Variants in TENM1 observed in about 807,000 individuals in gnomAD.
TENM1 encodes teneurin-1.
A neutral mutation model predicts 174.8 loss-of-function variants in TENM1; 35 were observed. The ratio of observed to expected loss-of-function variants is 0.20; its 90% CI spans 0.15 to 0.27. TENM1 has a LOEUF of 0.27. Ranked by LOEUF, TENM1 falls within the 10% of genes least tolerant of loss-of-function variation. The pLI, the probability that TENM1 is intolerant of heterozygous loss-of-function variation, is 1.00. For synonymous variants in TENM1, 781 were observed against 798.7 expected (o/e 0.98, Z 0.37); for missense variants, 1,633 against 2,130.1 (o/e 0.77, Z 4.59).
At position 124,649,040 on chromosome X, in the gene TENM1, G is replaced by T. The variant is rs28471046; in HGVS notation, c.1580-2230C>A. ...TCAAAGAGACATTGGAACAGCCGAG[G>T]GACTCCAGGAGGAAGATGGCTGCAG... On this transcript the variant is annotated intron_variant, in intron 8 of 31. Coordinates refer to ENST00000422452, the Ensembl canonical transcript of TENM1. Among the ~76,000 whole-genome samples, 163 of 111,470 alleles carry T rather than the reference G, an allele frequency of 1.5e-3. 2 individuals carry two copies. The highest frequency in any genetic ancestry group is 5.1e-3 in the African/African-American group (156 of 30,689).
In TENM1 at chrX:124,645,207, G is replaced by A. The variant is rs760968417; in HGVS notation, c.1812C>T (p.His604=). The change falls in exon 10 of 32, where the codon CAC becomes CAT. Residue 604 remains histidine (H), a synonymous_variant. Coordinates refer to ENST00000422452, the Ensembl canonical transcript of TENM1. ...TGCAGACTCCCATGATGCAGGTGCC[G>A]TGGCCAAAGCATGTTGGATCAATGC... 1.9e-5 allele frequency: 23 copies of A among 1,211,335 alleles called. No homozygotes were observed. The South Asian group carries it at 2.5e-4, about 13-fold the overall frequency.
At chrX:124,603,377 C>T (rs1437489574) in intron 11 of TENM1, among the ~76,000 whole-genome samples, 1 of 111,939 alleles carries the variant, frequency 8.9e-6, no homozygotes, top group Admixed American at 9.5e-5. Flanking sequence ...GTAGCAGCCA[C>T]TGCAAACATT....
At chrX:124,833,011 TA>T (rs1030410353) in intron 3 of TENM1, among the ~76,000 whole-genome samples, 2 of 112,159 alleles carry the variant, frequency 1.8e-5, no homozygotes, top group Admixed American at 1.9e-4. Flanking sequence ...CATCTTTTTT[TA>T]ATAAAAAATA....
intron 15 of TENM1, among the ~76,000 whole-genome samples, chrX:124,530,652 A>C (rs1343121144): frequency 8.9e-6 from 1 of 111,857 alleles, no homozygotes; most frequent in African/African-American, 3.2e-5. Context: ...AGCCAACCAA[A>C]CAAACAAATT....
the TENM1 span, among the ~76,000 whole-genome samples, chrX:125,126,254 T>C: frequency 2.7e-5 from 3 of 111,595 alleles, no homozygotes; most frequent in Non-Finnish European, 5.6e-5. Context: ...TCATCATTAT[T>C]TTTTAGCCTT....
chrX:124,406,495 G>A lies in TENM1; in HGVS notation c.4983-6C>T. ...GGTGTCCCTCGGGGTCATACCTGAG[G>A]AATGTAACCAATCCCAGCTTTGAAG... On this transcript the variant is annotated splice_polypyrimidine_tract_variant and splice_region_variant and intron_variant, in intron 25 of 31. Coordinates refer to ENST00000422452, the Ensembl canonical transcript of TENM1. 2 of 1,169,767 alleles carry A rather than the reference G, an allele frequency of 1.7e-6. No homozygotes were observed. Among genetic ancestry groups the A allele is most frequent in the Non-Finnish European group, 2.3e-6 (2 of 868,394 alleles).
chrX:124,920,070 T>C (rs376224456), intron 1 of TENM1, among the ~76,000 whole-genome samples: 21 of 111,373 alleles, frequency 1.9e-4, no homozygotes, highest in African/African-American at 6.5e-4. Context: ...CAATTAAAGA[T>C]GGGAATTTAA....
intron 3 of TENM1, among the ~76,000 whole-genome samples, chrX:124,818,115 A>C (rs2055947732): frequency 9.0e-6 from 1 of 111,359 alleles, no homozygotes; most frequent in Admixed American, 9.6e-5. Context: ...TAACCAGAAA[A>C]TTCAATTAAT....
intron 3 of TENM1, among the ~76,000 whole-genome samples, chrX:124,880,501 T>C (rs969558102): frequency 8.9e-6 from 1 of 112,121 alleles, no homozygotes; most frequent in Non-Finnish European, 1.9e-5. Context: ...TTTTTCAAAT[T>C]AGATGCCTTT....
At chrX:124,767,669 C>A (rs1163294051) in intron 3 of TENM1, among the ~76,000 whole-genome samples, 3 of 110,956 alleles carry the variant, frequency 2.7e-5, no homozygotes, top group Non-Finnish European at 5.7e-5. Flanking sequence ...GTGGTTCATA[C>A]AATAGCAAAG....
chrX:124,575,466 C>T (rs2049147118), intron 11 of TENM1, among the ~76,000 whole-genome samples: 1 of 111,797 alleles, frequency 8.9e-6, no homozygotes, highest in African/African-American at 3.2e-5. Context: ...ATAACAACAG[C>T]GACACACTCC....
At chrX:124,650,225 A>AAAAG (rs1369513786) in intron 8 of TENM1, among the ~76,000 whole-genome samples, 4 of 106,119 alleles carry the variant, frequency 3.8e-5, no homozygotes, top group African/African-American at 1.4e-4. Context: ...AAAAAAAAAA[A>AAAAG]AAAGAAAGAG....
chrX:124,565,667 TATTTA>T, intron 11 of TENM1, 107 bp from the exon 15 acceptor site: 1 of 505,637 alleles, frequency 2.0e-6, no homozygotes. Flanking sequence ...ATTTATATTT[TATTTA>T]TTTATTATTT....
intron 27 of TENM1, among the ~76,000 whole-genome samples, chrX:124,402,538 C>G (rs763887007): frequency 3.6e-5 from 4 of 112,367 alleles, no homozygotes; most frequent in African/African-American, 1.3e-4. Context: ...GCACTAAGAA[C>G]AATTTGGGAT....
intron 3 of TENM1, among the ~76,000 whole-genome samples, chrX:124,751,207 A>G (rs1300460390): frequency 8.9e-6 from 1 of 111,851 alleles, no homozygotes; most frequent in Non-Finnish European, 1.9e-5. Context: ...CAAATGAAAT[A>G]TTATGTACCT....
intron 3 of TENM1, among the ~76,000 whole-genome samples, chrX:124,856,983 T>G (rs1422540686): frequency 1.8e-5 from 2 of 111,445 alleles, no homozygotes; most frequent in Non-Finnish European, 3.8e-5. Context: ...ATAAACACTG[T>G]TTTGTGAAAC....
intron 11 of TENM1, among the ~76,000 whole-genome samples, chrX:124,574,617 G>A (rs2049124906): frequency 9.0e-6 from 1 of 111,116 alleles, no homozygotes; most frequent in African/African-American, 3.3e-5. Context: ...GAATGAGCCT[G>A]AATAGACAGA....
chrX:124,585,272 T>C (rs1185146665), intron 11 of TENM1, among the ~76,000 whole-genome samples: 2,891 of 110,968 alleles, frequency 0.026, 44 homozygotes, highest in African/African-American at 0.039. Context: ...CCAAAATTGA[T>C]CACATAGTTG....
At chrX:124,659,156 T>G (rs759157286) in intron 6 of TENM1, among the ~76,000 whole-genome samples, 11 of 112,293 alleles carry the variant, frequency 9.8e-5, no homozygotes, top group Non-Finnish European at 2.1e-4. Flanking sequence ...CCAATTACTT[T>G]GACTTTTCTT....
Sources: allele counts gnomAD v4.1 joint callset (sites outside exome capture counted in the v4.1 genomes callset), GRCh38; gene constraint gnomAD v4.1.1; transcripts MANE v1.5; gene names NCBI Gene and HGNC (gene_info 2026-07-23, HGNC 2026-07-21).